The following ENTREP2 variants were observed in gnomAD, a reference collection of about 807,000 sequenced individuals.
The protein encoded by ENTREP2 is endosomal transmembrane epsin interactor 2, also known as protein ENTREP2.
chr15:29,133,232 T>C, the ENTREP2 span, among the ~76,000 whole-genome samples: 1 of 152,114 alleles, frequency 6.6e-6, no homozygotes, highest in South Asian at 2.1e-4. Context: ...CACTCCCCTC[T>C]ACCTACCATC....
At chr15:29,377,823 A>AATAATAAT in the ENTREP2 span, among the ~76,000 whole-genome samples, 46 of 113,014 alleles carry the variant, frequency 4.1e-4, no homozygotes, top group African/African-American at 1.6e-3. Flanking sequence ...TCTGTCTCAA[A>AATAATAAT]AATAATAATA....
chr15:29,412,591 T>C, the ENTREP2 span, among the ~76,000 whole-genome samples: 1 of 152,264 alleles, frequency 6.6e-6, no homozygotes, highest in African/African-American at 2.4e-5. Context: ...TATAAATCTG[T>C]CCATTACATC....
chr15:29,570,668 A>T, the ENTREP2 span: 2 of 1,236,596 alleles, frequency 1.6e-6, no homozygotes, highest in Non-Finnish European at 2.0e-6. Context: ...CAGGCGGGAC[A>T]GGCTGCGGGG....
chr15:29,484,578 C>A, the ENTREP2 span, among the ~76,000 whole-genome samples: 1 of 152,178 alleles, frequency 6.6e-6, no homozygotes, highest in Non-Finnish European at 1.5e-5. Context: ...CGCACAGACT[C>A]TCACACACAT....
chr15:29,446,741 T>G, the ENTREP2 span, among the ~76,000 whole-genome samples: 1 of 152,244 alleles, frequency 6.6e-6, no homozygotes, highest in Admixed American at 6.5e-5. Flanking sequence ...CAGGTCTCCC[T>G]GTGGAGACTC....
chr15:29,161,079 G>A, the ENTREP2 span, among the ~76,000 whole-genome samples: 4 of 152,292 alleles, frequency 2.6e-5, no homozygotes, highest in African/African-American at 7.2e-5. Flanking sequence ...TGGACCTGAC[G>A]TTCCGTGCAG....
At chr15:29,139,189 T>A in the ENTREP2 span, among the ~76,000 whole-genome samples, 4 of 152,146 alleles carry the variant, frequency 2.6e-5, no homozygotes, top group South Asian at 4.2e-4. Flanking sequence ...ATGCTCTAGG[T>A]TGACGAAGAA....
chr15:29,391,579 A>G, the ENTREP2 span, among the ~76,000 whole-genome samples: 1 of 152,162 alleles, frequency 6.6e-6, no homozygotes, highest in Admixed American at 6.5e-5. Flanking sequence ...GATGCAATGC[A>G]TGCTTCTTTG....
At chr15:29,530,644 T>A in the ENTREP2 span, among the ~76,000 whole-genome samples, 1 of 152,222 alleles carries the variant, frequency 6.6e-6, no homozygotes, top group Non-Finnish European at 1.5e-5. Context: ...ATGTCTGTGG[T>A]GATGGGTGGA....
the ENTREP2 span, among the ~76,000 whole-genome samples, chr15:29,620,531 G>C: frequency 6.6e-6 from 1 of 152,094 alleles, no homozygotes; most frequent in Non-Finnish European, 1.5e-5. Context: ...CCAGCTACTT[G>C]GGAGGCTGAG....
chr15:29,252,108 A>T, the ENTREP2 span, among the ~76,000 whole-genome samples: 14 of 152,330 alleles, frequency 9.2e-5, no homozygotes, highest in African/African-American at 3.4e-4. Context: ...CTACGTTGTG[A>T]TCCTTAAAAA....
chr15:29,654,957 G>A, the ENTREP2 span, among the ~76,000 whole-genome samples: 14 of 152,226 alleles, frequency 9.2e-5, no homozygotes, highest in South Asian at 2.5e-3. Flanking sequence ...AAAAGGAGGG[G>A]TACTTTGTAT....
the ENTREP2 span, among the ~76,000 whole-genome samples, chr15:29,628,936 G>C: frequency 6.6e-6 from 1 of 152,114 alleles, no homozygotes; most frequent in Non-Finnish European, 1.5e-5. Flanking sequence ...TTTTAGTAGA[G>C]ACAGCATTTC....
the ENTREP2 span, among the ~76,000 whole-genome samples, chr15:29,388,817 AC>A: frequency 1.3e-5 from 2 of 152,130 alleles, no homozygotes; most frequent in Non-Finnish European, 2.9e-5. Context: ...CTTTGTAGAG[AC>A]ATGGATGAAG....
At chr15:29,454,689 G>A in the ENTREP2 span, among the ~76,000 whole-genome samples, 92 of 152,282 alleles carry the variant, frequency 6.0e-4, no homozygotes, top group Non-Finnish European at 1.3e-3. Context: ...GCAGGGGCCA[G>A]GGCCTGCGAA....
the ENTREP2 span, among the ~76,000 whole-genome samples, chr15:29,345,084 G>C: frequency 6.6e-6 from 1 of 152,044 alleles, no homozygotes; most frequent in Non-Finnish European, 1.5e-5. Flanking sequence ...ATAAAGAACT[G>C]TCATGAAATC....
the ENTREP2 span, among the ~76,000 whole-genome samples, chr15:29,619,786 C>T: frequency 6.6e-6 from 1 of 152,058 alleles, no homozygotes; most frequent in East Asian, 1.9e-4. Flanking sequence ...GATCTCATCA[C>T]CAGGCTCATC....
chr15:29,173,679 T>G, the ENTREP2 span, among the ~76,000 whole-genome samples: 3 of 152,084 alleles, frequency 2.0e-5, no homozygotes, highest in Admixed American at 1.3e-4. Flanking sequence ...GGGGCACCAT[T>G]CATCTTCTGA....
chr15:29,212,605 T>G, the ENTREP2 span, among the ~76,000 whole-genome samples: 1 of 152,220 alleles, frequency 6.6e-6, no homozygotes, highest in Non-Finnish European at 1.5e-5. Context: ...CTTTCAGTCT[T>G]TTTGATGCAG....
Sources: gnomAD v4.1 joint callset for allele counts (sites outside exome capture counted in the v4.1 genomes callset) on GRCh38, gnomAD v4.1.1 for gene constraint, MANE v1.5 for transcripts, NCBI Gene and HGNC (gene_info 2026-07-23, HGNC 2026-07-21) for gene names.